ARHGAP42: variants seen among roughly 807,000 people sequenced by gnomAD.
ARHGAP42 encodes rho GTPase-activating protein 42.
In ARHGAP42, 63 loss-of-function variants were observed where a neutral mutation model predicts 125.0. The ratio of observed to expected loss-of-function variants is 0.50; its 90% confidence interval spans 0.41 to 0.62. The LOEUF (loss-of-function observed/expected upper bound fraction) is 0.62. Among genes scored for constraint, ARHGAP42 ranks in the 20% least tolerant of loss-of-function variants. The pLI is 0.00. For missense variants in ARHGAP42, 766 were observed against 1,024.2 expected, an observed-to-expected ratio of 0.75 and a Z score of 3.44; for synonymous variants, 339 against 351.0, an observed-to-expected ratio of 0.97 and a Z score of 0.38.
chr11:100,691,004 G>A (rs987876807), intron 1 of ARHGAP42, among the ~76,000 whole-genome samples: 1 of 152,194 alleles, frequency 6.6e-6, no homozygotes, highest in Non-Finnish European at 1.5e-5. Flanking sequence ...GTGTTATCAA[G>A]TACAGTGTGA....
chr11:100,799,339 A>C (rs1418918628), intron 3 of ARHGAP42, among the ~76,000 whole-genome samples: 1 of 152,170 alleles, frequency 6.6e-6, no homozygotes, highest in Non-Finnish European at 1.5e-5. Flanking sequence ...ACTACTAGAA[A>C]TGTGTATACT....
At chr11:100,745,496 G>A (rs188185226) in intron 1 of ARHGAP42, among the ~76,000 whole-genome samples, 4 of 152,308 alleles carry the variant, frequency 2.6e-5, no homozygotes, top group African/African-American at 7.2e-5. Context: ...TGTGAGGGAA[G>A]TAAGAATTGA....
At chr11:100,931,658 C>T (rs1387360608) in intron 6 of ARHGAP42, among the ~76,000 whole-genome samples, 1 of 152,064 alleles carries the variant, frequency 6.6e-6, no homozygotes, top group Admixed American at 6.6e-5. Context: ...ACAATACTTC[C>T]TTAGCAACTT....
intron 1 of ARHGAP42, among the ~76,000 whole-genome samples, chr11:100,764,894 A>T (rs2134979685): frequency 6.6e-6 from 1 of 152,340 alleles, no homozygotes; most frequent in African/African-American, 2.4e-5. Flanking sequence ...ATAAAGGTGA[A>T]AGCATCACCA....
At chr11:100,801,943 A>G (rs1278472820) in intron 3 of ARHGAP42, among the ~76,000 whole-genome samples, 1 of 152,210 alleles carries the variant, frequency 6.6e-6, no homozygotes, top group Non-Finnish European at 1.5e-5. Context: ...TTATTGATAT[A>G]TGCTTTTTAA....
At chr11:100,874,630 G>C (rs1403566856) in intron 4 of ARHGAP42, among the ~76,000 whole-genome samples, 2 of 152,112 alleles carry the variant, frequency 1.3e-5, no homozygotes, top group African/African-American at 2.4e-5. Context: ...TGGTCCTCCT[G>C]TTTCCTTGGG....
chr11:100,794,198 T>A (rs1381140385), intron 2 of ARHGAP42, among the ~76,000 whole-genome samples: 1 of 150,862 alleles, frequency 6.6e-6, no homozygotes, highest in Non-Finnish European at 1.5e-5. Flanking sequence ...GCATTAGGTT[T>A]GAAAAATTGA....
chr11:100,693,127 A>G (rs1159510116), intron 1 of ARHGAP42, among the ~76,000 whole-genome samples: 1 of 150,056 alleles, frequency 6.7e-6, no homozygotes, highest in Admixed American at 6.6e-5. Flanking sequence ...CCATTGTTTT[A>G]GGATATTTTT....
chr11:100,934,152 A>T (rs1385893591), intron 7 of ARHGAP42, among the ~76,000 whole-genome samples: 1 of 152,182 alleles, frequency 6.6e-6, no homozygotes, highest in African/African-American at 2.4e-5. Flanking sequence ...TACTTTAATA[A>T]CAAAGATCTC....
chr11:100,903,117 G>GCGCGCA (rs373508179), intron 4 of ARHGAP42, among the ~76,000 whole-genome samples: 2,912 of 132,030 alleles, frequency 0.022, 129 homozygotes, highest in East Asian at 0.2. Flanking sequence ...TCCAAGATGC[G>GCGCGCA]CACACACACA....
intron 12 of ARHGAP42, among the ~76,000 whole-genome samples, chr11:100,958,860 G>A (rs919426654): frequency 1.8e-4 from 27 of 151,914 alleles, no homozygotes; most frequent in African/African-American, 5.8e-4. Flanking sequence ...CAGTTCCATT[G>A]GCTTGCTGTG....
intron 20 of ARHGAP42, 47 bp downstream of exon 20, chr11:100,976,484 C>A: frequency 6.8e-7 from 1 of 1,478,662 alleles, no homozygotes. Flanking sequence ...CTCAGTGTCA[C>A]TTGTGCTGGA....
chr11:100,936,667 C>T lies in ARHGAP42; in HGVS notation c.832+335C>T, dbSNP rs184358078. The stretch of plus-strand genomic sequence containing the variant: ...TTACTGACATGAATCATCCTGGTGA[C>T]TGTGATAATAGTTTTACCCTCTGGC... On this transcript the variant is annotated intron_variant, in intron 8 of 23. Transcript: ENST00000298815. Among the ~76,000 whole-genome samples the T allele has an allele frequency of 1.5e-4, 23 of 152,244 alleles. 1 individual carries two copies. The highest frequency in any genetic ancestry group is 1.4e-3 in the Admixed American group (22 of 15,288).
intron 1 of ARHGAP42, among the ~76,000 whole-genome samples, chr11:100,731,191 G>T (rs1861950736): frequency 6.7e-6 from 1 of 150,352 alleles, no homozygotes; most frequent in Admixed American, 6.6e-5. Context: ...ATGCAGTCTT[G>T]CTCTGTTGCC....
In ARHGAP42 at chr11:100,941,873, A is replaced by G; in HGVS notation, c.922A>G (p.Ser308Gly). Residue 308 changes from serine to glycine, a missense_variant, in exon 9 of 24, where the codon AGT becomes GGT. Physicochemically the swap from Ser to Gly is moderately conservative, Grantham distance 56. Coordinates refer to ENST00000298815, the MANE Select transcript of ARHGAP42 (RefSeq NM_152432.4). ...FTMSVSEMKS[S>G]GKMNGLVTSS... ...AATGAGTGTTTCAGAAATGAAATCC[A>G]GTGGGAAAATGGTGAGTTAGTTTTG... 6.5e-7 allele frequency: 1 copy of G among 1,532,036 alleles called. No homozygotes were observed. The highest frequency in any genetic ancestry group is 8.8e-7 in the Non-Finnish European group (1 of 1,137,944). The allele number at this position is 1,532,036 out of a possible 1,614,324, so 94.9% of individuals were successfully genotyped here. A position where few individuals can be genotyped will look rare whatever the true frequency, so the allele number is the denominator to read the frequency against.
intron 3 of ARHGAP42, among the ~76,000 whole-genome samples, chr11:100,841,344 G>A (rs1158880378): frequency 6.6e-6 from 1 of 151,354 alleles, no homozygotes. Context: ...TTTTTGGTTT[G>A]TTCAGGAGTT....
At chr11:100,758,813 G>A (rs1303775651) in intron 1 of ARHGAP42, among the ~76,000 whole-genome samples, 2 of 152,078 alleles carry the variant, frequency 1.3e-5, no homozygotes, top group Non-Finnish European at 2.9e-5. Context: ...GAAACTTGCA[G>A]AGCTTAAGTA....
rs974918446 is a variant in ARHGAP42 at position 100,992,881 on chromosome 11, G to C, written c.*4080G>C. 4.3e-5 allele frequency: 20 copies of C among 460,432 alleles called. No homozygotes were observed. In the Admixed American group the frequency reaches 4.8e-4, roughly 11 times the overall value. The allele number at this position is 460,432 out of a possible 1,614,324, so 28.5% of individuals were successfully genotyped here. On this transcript the variant is annotated 3_prime_UTR_variant, in exon 24 of 24. Transcript: ENST00000298815. ...TTACAAGGTGTCTGTGGTTTAGGGG[G>C]CCCAGCCCATCATTCCTTTTCCCCT...
chr11:100,856,179 A>G (rs758836697), intron 3 of ARHGAP42, among the ~76,000 whole-genome samples: 1 of 152,050 alleles, frequency 6.6e-6, no homozygotes, highest in Admixed American at 6.6e-5. Flanking sequence ...ATATGAGCAA[A>G]AATTGCATTT....
Sources: gnomAD v4.1 joint callset for allele counts (sites outside exome capture counted in the v4.1 genomes callset) on GRCh38, gnomAD v4.1.1 for gene constraint, MANE v1.5 for transcripts, NCBI Gene and HGNC (gene_info 2026-07-23, HGNC 2026-07-21) for gene names.